Variants in RBM25 observed in about 807,000 individuals in gnomAD.
The protein encoded by RBM25 is RNA binding motif protein 25, also known as RNA-binding protein 25.
In RBM25, 19 loss-of-function variants were observed where a neutral mutation model predicts 120.7. The observed-to-expected ratio is 0.16, with a 90% CI of 0.11 to 0.23. The LOEUF is 0.23. Ranked by LOEUF, RBM25 falls within the 10% of genes least tolerant of loss-of-function variation. RBM25 has a pLI of 1.00. For missense variants in RBM25, 605 were observed against 1,041.5 expected (o/e 0.58, Z 5.77); for synonymous variants, 390 against 326.7 (o/e 1.19, Z -2.09).
At chr14:73,103,948 T>TCTCTCTCTCACACACACACA (rs1594928335) in intron 10 of RBM25, among the ~76,000 whole-genome samples, 5 of 91,430 alleles carry the variant, frequency 5.5e-5, no homozygotes, top group Non-Finnish European at 4.9e-5. Flanking sequence ...TCTCTCTCTC[T>TCTCTCTCTCACACACACACA]CACACACACA....
At chr14:73,061,482 TTCTG>T (rs1895005711) in intron 1 of RBM25, among the ~76,000 whole-genome samples, 1 of 151,476 alleles carries the variant, frequency 6.6e-6, no homozygotes, top group Non-Finnish European at 1.5e-5. Context: ...AAAGGATTCC[TTCTG>T]TCTGTTTGCA....
chr14:73,081,811 C>G (rs1043249871), intron 4 of RBM25, among the ~76,000 whole-genome samples: 1 of 152,164 alleles, frequency 6.6e-6, no homozygotes, highest in Admixed American at 6.5e-5. Flanking sequence ...TCAGAAGTCC[C>G]GCATCATTCT....
intron 10 of RBM25, among the ~76,000 whole-genome samples, chr14:73,104,844 T>G (rs1040250085): frequency 1.1e-4 from 16 of 151,942 alleles, no homozygotes; most frequent in Admixed American, 9.2e-4. Flanking sequence ...CTGGAGGGAG[T>G]TCCACTTTAG....
At chr14:73,091,323 C>A (rs1178946032) in intron 6 of RBM25, among the ~76,000 whole-genome samples, 1 of 152,088 alleles carries the variant, frequency 6.6e-6, no homozygotes, top group Non-Finnish European at 1.5e-5. Context: ...TATTCCCAGG[C>A]TCCAGTGATC....
intron 6 of RBM25, among the ~76,000 whole-genome samples, chr14:73,090,012 A>G (rs1368707321): frequency 6.6e-6 from 1 of 151,652 alleles, no homozygotes; most frequent in Non-Finnish European, 1.5e-5. Context: ...ATTATGTGAG[A>G]CCCATCCTTA....
intron 1 of RBM25, among the ~76,000 whole-genome samples, chr14:73,067,949 A>G (rs562120626): frequency 2.0e-5 from 3 of 152,184 alleles, no homozygotes; most frequent in African/African-American, 7.2e-5. Context: ...AAGATTTTGA[A>G]TCTCTTTGGA....
chr14:73,110,824 G>T lies in RBM25; in HGVS notation c.1693-7G>T, dbSNP rs750639470. On this transcript the variant is annotated splice_polypyrimidine_tract_variant and splice_region_variant and intron_variant, in intron 14 of 18. Transcript: ENST00000261973. ...TGTAGTTAATCAGATTATTGTTTGG[G>T]TTTTAGATGGAACAAGAGGCTGAGA... 10 of 1,598,172 alleles carry T rather than the reference G, an allele frequency of 6.3e-6. No individual in the cohort carries two copies. Among genetic ancestry groups the T allele is most frequent in the Non-Finnish European group, 8.5e-6 (10 of 1,175,538 alleles).
At chr14:73,081,262 C>G (rs1286117644) in intron 4 of RBM25, among the ~76,000 whole-genome samples, 1 of 152,198 alleles carries the variant, frequency 6.6e-6, no homozygotes, top group African/African-American at 2.4e-5. Context: ...CTCAGCCTCC[C>G]AAGTAGCTGG....
intron 5 of RBM25, 22 bp from the exon 6 acceptor site, chr14:73,087,979 A>G (rs1895729323): frequency 2.5e-6 from 4 of 1,596,368 alleles, no homozygotes; most frequent in Admixed American, 1.8e-5. Context: ...GTATTTCACT[A>G]ATTGTTTTCA....
At chr14:73,103,938 TCTCTCTCTCTCACACACA>T (rs1425945793) in intron 10 of RBM25, among the ~76,000 whole-genome samples, 3,986 of 49,580 alleles carry the variant, frequency 0.08, 54 homozygotes, top group East Asian at 0.13. Context: ...TCTCTCTCTC[TCTCTCTCTCTCACACACA>T]CACACACACA....
At chr14:73,065,941 A>G (rs1895122456) in intron 1 of RBM25, among the ~76,000 whole-genome samples, 1 of 152,170 alleles carries the variant, frequency 6.6e-6, no homozygotes, top group African/African-American at 2.4e-5. Flanking sequence ...CCAGTCTTGT[A>G]ACCATTGTGA....
intron 1 of RBM25, among the ~76,000 whole-genome samples, chr14:73,066,299 A>G (rs1277671749): frequency 6.6e-6 from 1 of 152,116 alleles, no homozygotes; most frequent in Non-Finnish European, 1.5e-5. Flanking sequence ...TAACCTACCT[A>G]CTGTTTAAAA....
intron 13 of RBM25, 167 bp from the exon 14 acceptor site, chr14:73,109,175 T>A: frequency 1.6e-6 from 1 of 616,644 alleles, no homozygotes; most frequent in East Asian, 2.9e-5. Flanking sequence ...TACATTTACA[T>A]GTAGAGAGCA....
Position 73,096,933 on chromosome 14 carries a change from G to C in RBM25, c.562G>C (p.Val188Leu). The C allele has an allele frequency of 6.2e-7, 1 of 1,612,378 alleles. No homozygotes were observed. The highest frequency in any genetic ancestry group is 2.2e-5 in the East Asian group (1 of 44,842). Reference protein sequence around the residue: ...ASNGNARPETVTNDDEEALDE... With the variant: ...ASNGNARPETLTNDDEEALDE... ...GTTTAAGAATGCAAGGCCAGAAACT[G>C]TCACTAATGACGATGAAGAAGCCTT... The change falls in exon 7 of 19, where the codon GTC (valine) becomes CTC (leucine). Residue 188 changes from valine (V) to leucine (L), a missense_variant. Physicochemically the swap from Val to Leu is conservative, Grantham distance 32. Transcript: ENST00000261973.
At chr14:73,105,036 A>AACACACACACACACAC (rs1372981431) in intron 10 of RBM25, among the ~76,000 whole-genome samples, 2 of 10,744 alleles carry the variant, frequency 1.9e-4, no homozygotes, top group Non-Finnish European at 1.9e-4. Flanking sequence ...ATACATATTA[A>AACACACACACACACAC]ATACACACAC....
chr14:73,082,916 AAAAAC>A (rs1895597627), intron 4 of RBM25, among the ~76,000 whole-genome samples: 1 of 151,518 alleles, frequency 6.6e-6, no homozygotes, highest in South Asian at 2.1e-4. Flanking sequence ...ATAAAAAAAA[AAAAAC>A]AAAAAACAAT....
intron 9 of RBM25, chr14:73,100,914 C>T (rs1377770173): frequency 6.6e-6 from 1 of 152,152 alleles, no homozygotes; most frequent in Non-Finnish European, 1.5e-5. Context: ...AGGTATAATA[C>T]TGAAATTCAG....
intron 14 of RBM25, among the ~76,000 whole-genome samples, chr14:73,110,428 T>C (rs951241274): frequency 8.6e-5 from 13 of 151,564 alleles, no homozygotes; most frequent in African/African-American, 3.2e-4. Context: ...CTTTTTTTTT[T>C]CTTTTTCTTT....
chr14:73,099,309 C>T (rs1896014143), intron 7 of RBM25, 71 bp from the exon 8 acceptor site: 2 of 1,307,154 alleles, frequency 1.5e-6, no homozygotes, highest in Non-Finnish European at 1.1e-6. Context: ...ATGTATAGGG[C>T]ATTGCTTTGC....
Sources: gnomAD v4.1 joint callset for allele counts (sites outside exome capture counted in the v4.1 genomes callset) on GRCh38, gnomAD v4.1.1 for gene constraint, MANE v1.5 for transcripts, NCBI Gene and HGNC (gene_info 2026-07-23, HGNC 2026-07-21) for gene names.